Variants in SNAP47 observed in about 807,000 individuals in gnomAD.
SNAP47 encodes synaptosome associated protein 47.
A neutral mutation model predicts 31.4 loss-of-function variants in SNAP47; 20 were observed. That is an observed-to-expected ratio of 0.64 (90% CI 0.45 to 0.93). SNAP47 has a LOEUF of 0.93. SNAP47 is among the 40% of genes least tolerant of loss of function. SNAP47 has a pLI of 0.00. For missense variants in SNAP47, 492 were observed against 528.5 expected (o/e 0.93, Z 0.68); for synonymous variants, 194 against 213.4 (o/e 0.91, Z 0.79).
At chr1:227,734,944 G>C, upstream of SNAP47, 1 of 1,499,762 alleles carries the variant, frequency 6.7e-7, no homozygotes. Context: ...CTCTCTAGGC[G>C]GGGGCCTCCC....
chr1:227,744,058 C>T (rs1005888563), intron 1 of SNAP47: 2 of 152,244 alleles, frequency 1.3e-5, no homozygotes, highest in Non-Finnish European at 2.9e-5. Flanking sequence ...CTGCCATCAG[C>T]CTTATGTCAT....
At chr1:227,774,090 C>T (rs1664010467) in intron 4 of SNAP47, among the ~76,000 whole-genome samples, 1 of 152,184 alleles carries the variant, frequency 6.6e-6, no homozygotes, top group Non-Finnish European at 1.5e-5. Context: ...GGCTGCCTCC[C>T]AGTCCGTGGC....
At chr1:227,758,598 G>T (rs1475299820) in intron 2 of SNAP47, among the ~76,000 whole-genome samples, 1 of 152,204 alleles carries the variant, frequency 6.6e-6, no homozygotes, top group Non-Finnish European at 1.5e-5. Flanking sequence ...CTACAGTATG[G>T]ACAGCGCAGA....
At chr1:227,764,779 C>G (rs533302946) in intron 3 of SNAP47, among the ~76,000 whole-genome samples, 8 of 152,094 alleles carry the variant, frequency 5.3e-5, no homozygotes, top group Non-Finnish European at 1.2e-4. Context: ...TGGTGTGCAC[C>G]TGTACTCCCA....
chr1:227,738,329 C>G (rs762423577), intron 1 of SNAP47, among the ~76,000 whole-genome samples: 1 of 152,116 alleles, frequency 6.6e-6, no homozygotes, highest in Non-Finnish European at 1.5e-5. Flanking sequence ...CGTGAGCCAC[C>G]GCACACCCAG....
At chr1:227,735,173 G>C (rs201975311), upstream of SNAP47, 9,524 of 1,580,746 alleles carry the variant, frequency 6.0e-3, 49 homozygotes, top group Non-Finnish European at 7.3e-3. Context: ...GCCCGGCTCC[G>C]AGACGAAGGC....
At chr1:227,733,762 T>A, upstream of SNAP47, 11 of 1,590,380 alleles carry the variant, frequency 6.9e-6, no homozygotes, top group Non-Finnish European at 8.5e-6. Flanking sequence ...CTGGTCCAAC[T>A]GAAGGAGGGG....
chr1:227,743,080 G>A (rs768918823), intron 1 of SNAP47, among the ~76,000 whole-genome samples: 5 of 152,132 alleles, frequency 3.3e-5, no homozygotes, highest in African/African-American at 2.4e-5. Context: ...AGGTCTTGGC[G>A]CCCTCTTCTG....
upstream of SNAP47, chr1:227,732,271 G>A: frequency 8.3e-7 from 1 of 1,206,682 alleles, no homozygotes; most frequent in Admixed American, 2.0e-5. Flanking sequence ...TGAACAGCCA[G>A]GCCACAAGCC....
chr1:227,731,854 T>C, upstream of SNAP47: 2 of 154,662 alleles, frequency 1.3e-5, no homozygotes, highest in Non-Finnish European at 2.9e-5. Context: ...AACCCAGCCC[T>C]CCACTCTGGG....
chr1:227,780,708 C>T lies in SNAP47; in HGVS notation c.*35C>T. ...GTCCCTGCATTCCTGTCTCACCCTG[C>T]ACATCCCGCTGAGATGGAGGGCTGG... is the stretch of plus-strand genomic sequence containing the variant. On this transcript the variant is annotated 3_prime_UTR_variant, in exon 5 of 5. Coordinates refer to ENST00000617596, the MANE Select transcript of SNAP47 (RefSeq NM_053052.4). 1 of 1,612,232 alleles carries T rather than the reference C, an allele frequency of 6.2e-7. No homozygotes were observed. The highest frequency in any genetic ancestry group is 1.1e-5 in the South Asian group (1 of 90,946).
upstream of SNAP47, chr1:227,733,992 A>G (rs1660867963): frequency 3.1e-6 from 5 of 1,613,892 alleles, no homozygotes; most frequent in Admixed American, 6.7e-5. Context: ...TCGGACGAGA[A>G]GTACACAGGC....
chr1:227,752,118 G>A (rs562015578), intron 2 of SNAP47, among the ~76,000 whole-genome samples: 39 of 152,250 alleles, frequency 2.6e-4, no homozygotes, highest in African/African-American at 9.1e-4. Flanking sequence ...AGGTATTGCT[G>A]AGAAAACCTG....
At position 227,747,725 on chromosome 1, in the gene SNAP47, A is replaced by C; in HGVS notation, c.-12A>C. On this transcript the variant is annotated 5_prime_UTR_variant, in exon 2 of 5. Transcript: ENST00000617596. ...GAGGCCTGGACCTTGGCGCACACAG[A>C]CCCAGGAACAGATGAGCAGGGATGT... The C allele has an allele frequency of 6.2e-7, 1 of 1,609,246 alleles. No homozygotes were observed. Among genetic ancestry groups the C allele is most frequent in the Non-Finnish European group, 8.5e-7 (1 of 1,176,430 alleles).
intron 3 of SNAP47, among the ~76,000 whole-genome samples, chr1:227,765,250 G>A (rs989482115): frequency 1.3e-5 from 2 of 152,212 alleles, no homozygotes; most frequent in African/African-American, 4.8e-5. Flanking sequence ...GCGGGGTGGG[G>A]TATGGGGCTC....
intron 1 of SNAP47, 46 bp from the exon 2 acceptor site, chr1:227,747,646 C>G (rs1316650939): frequency 1.3e-6 from 2 of 1,531,294 alleles, no homozygotes; most frequent in Non-Finnish European, 1.8e-6. Context: ...GCTTGTGTCT[C>G]CAGTCCATGG....
chr1:227,774,374 A>G (rs959033641), intron 4 of SNAP47, among the ~76,000 whole-genome samples: 46 of 149,320 alleles, frequency 3.1e-4, no homozygotes, highest in African/African-American at 1.1e-3. Context: ...GTGTTGAAGG[A>G]TGAAAGAGCA....
In SNAP47 at chr1:227,747,874, C is replaced by T; in HGVS notation, c.138C>T (p.Val46=). Residue 46 remains valine (V), a synonymous_variant, in exon 2 of 5, where the codon GTC becomes GTT. Transcript: ENST00000617596. Reference sequence around the variant, plus strand: ...CTGACAGCACTGGAGAGATTCTGGTCAGCTTCCCCCTCTCCAGCATAGTTG... The same window carrying T: ...CTGACAGCACTGGAGAGATTCTGGTTAGCTTCCCCCTCTCCAGCATAGTTG... ...FMTDSTGEIL[V]SFPLSSIVEI... The T allele has an allele frequency of 6.2e-7, 1 of 1,614,194 alleles. No homozygotes were observed. Among genetic ancestry groups the T allele is most frequent in the Non-Finnish European group, 8.5e-7 (1 of 1,180,034 alleles).
Position 227,763,671 on chromosome 1 carries a change from G to A in SNAP47, c.989-3288G>A, listed in dbSNP as rs528914387. ...GATGCCGCTCAGCCCCCACCTGCGC[G>A]TGCGTATTGGTTGAGTGGGAGATGG... is the stretch of plus-strand genomic sequence containing the variant. On this transcript the variant is annotated intron_variant, in intron 3 of 4. Coordinates refer to ENST00000617596, the MANE Select transcript of SNAP47 (RefSeq NM_053052.4). This position sits in a 1 kb window ranked among gnomAD's most constrained non-coding sequence, Gnocchi z 4.2. Among the ~76,000 whole-genome samples the A allele has an allele frequency of 3.3e-5, 5 of 152,326 alleles. No homozygotes were observed. Among genetic ancestry groups the A allele is most frequent in the East Asian group, 3.9e-4 (2 of 5,188 alleles).
Sources: gnomAD v4.1 joint callset for allele counts (sites outside exome capture counted in the v4.1 genomes callset) on GRCh38, gnomAD v4.1.1 for gene constraint, Gnocchi (gnomAD v3.1) non-coding constraint, MANE v1.5 for transcripts, NCBI Gene and HGNC (gene_info 2026-07-23, HGNC 2026-07-21) for gene names.